NUBPL: variants seen among roughly 807,000 people sequenced by gnomAD.
NUBPL encodes the protein NUBP iron-sulfur cluster assembly factor, mitochondrial.
NUBPL carries 31 observed loss-of-function variants against 45.7 expected under a neutral mutation model. The ratio of observed to expected loss-of-function variants is 0.68; its 90% CI spans 0.51 to 0.92. NUBPL has a LOEUF of 0.92. Ranked by LOEUF, NUBPL falls within the 40% of genes least tolerant of loss-of-function variation. NUBPL has a pLI of 0.00. For synonymous variants in NUBPL, 144 were observed against 140.9 expected (o/e 1.02, Z -0.15); for missense variants, 401 against 398.7 (o/e 1.01, Z -0.05).
At position 31,747,188 on chromosome 14, in the gene NUBPL, T is replaced by C. The variant is rs535785663; in HGVS notation, c.514-40592T>C. Reference sequence around the variant, plus strand: ...TCTCGCTGTGTTGCCCAGGCTGGAGTGCAGTGGCACGATCTTGGCTTACTG... The same window carrying C: ...TCTCGCTGTGTTGCCCAGGCTGGAGCGCAGTGGCACGATCTTGGCTTACTG... On this transcript the variant is annotated intron_variant, in intron 6 of 10. Transcript: ENST00000281081. 2.6e-4 allele frequency among the ~76,000 whole-genome samples: 37 copies of C among 142,142 alleles called. 1 individual carries two copies. The South Asian group carries it at 7.4e-3, about 28-fold the overall frequency. 93.3% of individuals were successfully genotyped at this position (142,142 alleles called of 152,430 possible).
At chr14:31,645,784 C>G (rs1288355677) in intron 4 of NUBPL, among the ~76,000 whole-genome samples, 2 of 137,548 alleles carry the variant, frequency 1.5e-5, no homozygotes, top group African/African-American at 2.6e-5. Flanking sequence ...ACCCCCCCCC[C>G]CACATTTTGA....
intron 8 of NUBPL, chr14:31,846,044 T>C (rs915882696): frequency 8.1e-6 from 2 of 246,768 alleles, no homozygotes; most frequent in Admixed American, 5.2e-5. Flanking sequence ...CCAAACCATC[T>C]TCTGCCTTGA....
At chr14:31,774,396 A>G (rs756546208) in intron 6 of NUBPL, among the ~76,000 whole-genome samples, 1 of 152,226 alleles carries the variant, frequency 6.6e-6, no homozygotes, top group Non-Finnish European at 1.5e-5. Flanking sequence ...ACTATTGACC[A>G]TACATTCATT....
intron 7 of NUBPL, among the ~76,000 whole-genome samples, chr14:31,807,007 A>AT (rs36194730): frequency 0.38 from 57,174 of 152,000 alleles, 11,952 homozygotes; most frequent in South Asian, 0.48. Flanking sequence ...ACATTTTCTT[A>AT]ATCCAGTCTA....
At chr14:31,561,843 A>C (rs144224906) in intron 1 of NUBPL, 1 of 602,038 alleles carries the variant, frequency 1.7e-6, no homozygotes, top group East Asian at 2.8e-5. Flanking sequence ...CAGCGTTTTT[A>C]CATTTTTAAA....
chr14:31,705,695 T>C (rs535701006), intron 6 of NUBPL, among the ~76,000 whole-genome samples: 1 of 152,068 alleles, frequency 6.6e-6, no homozygotes, highest in African/African-American at 2.4e-5. Context: ...CACAGAGTGC[T>C]GATTGGTGCA....
chr14:31,744,029 G>GT (rs1053140748), intron 6 of NUBPL, among the ~76,000 whole-genome samples: 3 of 152,208 alleles, frequency 2.0e-5, no homozygotes, highest in African/African-American at 7.2e-5. Context: ...GAAAGTGTTA[G>GT]TTATTTATCT....
At chr14:31,638,615 C>T (rs1266435085) in intron 4 of NUBPL, among the ~76,000 whole-genome samples, 2 of 152,058 alleles carry the variant, frequency 1.3e-5, no homozygotes, top group African/African-American at 4.8e-5. Flanking sequence ...CTCTGTATTT[C>T]CTGAATGTGA....
At chr14:31,666,263 AATTT>A in intron 4 of NUBPL, among the ~76,000 whole-genome samples, 1 of 111,874 alleles carries the variant, frequency 8.9e-6, no homozygotes, top group Admixed American at 1.0e-4. Context: ...ATATATATAT[AATTT>A]TATTTTATTT....
intron 6 of NUBPL, among the ~76,000 whole-genome samples, chr14:31,774,878 A>G (rs2039071295): frequency 2.0e-5 from 3 of 152,122 alleles, no homozygotes; most frequent in Admixed American, 2.0e-4. Flanking sequence ...TCTAATCACA[A>G]CATTGATTCC....
intron 6 of NUBPL, among the ~76,000 whole-genome samples, chr14:31,726,048 G>T (rs749495665): frequency 1.3e-5 from 2 of 152,136 alleles, no homozygotes; most frequent in Admixed American, 6.6e-5. Flanking sequence ...ATTTTATCTA[G>T]AAGTGTCAAA....
At chr14:31,846,013 ACG>A (rs1376843067) in intron 8 of NUBPL, 1 of 211,706 alleles carries the variant, frequency 4.7e-6, no homozygotes. Context: ...GCATCTTCCC[ACG>A]TGGCCCTAGC....
At chr14:31,854,114 A>G (rs780259306) in intron 10 of NUBPL, among the ~76,000 whole-genome samples, 8 of 152,200 alleles carry the variant, frequency 5.3e-5, no homozygotes, top group Non-Finnish European at 1.2e-4. Flanking sequence ...TTAATATGAA[A>G]TGACTGTGTA....
rs140315754 is a variant in NUBPL at position 31,800,519 on chromosome 14, G to A, written c.607+12646G>A. 2.4e-4 allele frequency among the ~76,000 whole-genome samples: 36 copies of A among 152,288 alleles called. No individual in the cohort carries two copies. In the East Asian group the frequency reaches 6.4e-3, roughly 27 times the overall value. Reference sequence around the variant, plus strand: ...AATGTGACACACAACCACAAAATGTGTCTATGCTGTTGGAAAAATGGCACG... The same window carrying A: ...AATGTGACACACAACCACAAAATGTATCTATGCTGTTGGAAAAATGGCACG... On this transcript the variant is annotated intron_variant, in intron 7 of 10. Coordinates refer to ENST00000281081, the MANE Select transcript of NUBPL (RefSeq NM_025152.3).
At chr14:31,603,357 G>GAAAAAAAGGA (rs2034499375) in intron 4 of NUBPL, among the ~76,000 whole-genome samples, 1 of 150,510 alleles carries the variant, frequency 6.6e-6, no homozygotes, top group African/African-American at 2.4e-5. Context: ...TGGAAAAACT[G>GAAAAAAAGGA]ATAATTTTTT....
At chr14:31,732,404 C>T (rs2038071252) in intron 6 of NUBPL, among the ~76,000 whole-genome samples, 1 of 151,724 alleles carries the variant, frequency 6.6e-6, no homozygotes, top group Non-Finnish European at 1.5e-5. Flanking sequence ...ATTTATTGTG[C>T]TTAAAAATGT....
At chr14:31,700,515 G>C (rs560068407) in intron 6 of NUBPL, among the ~76,000 whole-genome samples, 1 of 152,158 alleles carries the variant, frequency 6.6e-6, no homozygotes, top group African/African-American at 2.4e-5. Context: ...GGCTGCAGCC[G>C]GCTCCCTCTG....
intron 4 of NUBPL, among the ~76,000 whole-genome samples, chr14:31,644,235 T>C (rs2035784377): frequency 6.6e-6 from 1 of 152,004 alleles, no homozygotes; most frequent in Non-Finnish European, 1.5e-5. Flanking sequence ...CATTGATATG[T>C]TGTGTTAAGT....
rs2039766337 is a variant in NUBPL at position 31,809,877 on chromosome 14, C to G, written c.608-16752C>G. ...TTCTGCCTTCATTTCGTTATGTACC[C>G]AGTAGTCATTCAGGAGCAGGTTGTT... On this transcript the variant is annotated intron_variant, in intron 7 of 10. Transcript: ENST00000281081. 2.0e-5 allele frequency among the ~76,000 whole-genome samples: 3 copies of G among 152,080 alleles called. No homozygotes were observed. In the South Asian group the frequency reaches 6.2e-4, roughly 31 times the overall value.
Sources: allele counts gnomAD v4.1 joint callset (sites outside exome capture counted in the v4.1 genomes callset), GRCh38; gene constraint gnomAD v4.1.1; transcripts MANE v1.5; gene names NCBI Gene and HGNC (gene_info 2026-07-23, HGNC 2026-07-21).